RHOBTB2: variants seen among roughly 807,000 people sequenced by gnomAD.
RHOBTB2 encodes the protein Rho related BTB domain containing 2.
A neutral mutation model predicts 66.5 loss-of-function variants in RHOBTB2; 39 were observed. That is an observed-to-expected ratio of 0.59 (90% CI 0.45 to 0.77). The LOEUF (loss-of-function observed/expected upper bound fraction) is 0.77, where lower values mean the gene tolerates loss of function less well. Ranked by LOEUF, RHOBTB2 falls within the 30% of genes least tolerant of loss-of-function variation. The pLI, the probability that RHOBTB2 is intolerant of heterozygous loss-of-function variation, is 0.00. For missense variants in RHOBTB2, 755 were observed against 999.1 expected (o/e 0.76, Z 3.29); for synonymous variants, 390 against 395.0 (o/e 0.99, Z 0.15).
the RHOBTB2 span, among the ~76,000 whole-genome samples, chr8:22,951,973 G>A: frequency 2.0e-5 from 3 of 152,200 alleles, no homozygotes; most frequent in East Asian, 3.9e-4. Flanking sequence ...CGCCTGCCTC[G>A]GCCTCCCAAA....
chr8:23,012,136 C>T (rs1370793181), intron 7 of RHOBTB2, among the ~76,000 whole-genome samples: 3 of 152,124 alleles, frequency 2.0e-5, no homozygotes, highest in Non-Finnish European at 4.4e-5. Flanking sequence ...GTGATCTTCC[C>T]AGAGCACATA....
the RHOBTB2 span, among the ~76,000 whole-genome samples, chr8:22,962,683 A>G: frequency 6.6e-6 from 1 of 152,196 alleles, no homozygotes; most frequent in Non-Finnish European, 1.5e-5. Flanking sequence ...CATATAATAA[A>G]AGGATAGTTT....
chr8:23,012,501 G>A (rs951000037), intron 7 of RHOBTB2, among the ~76,000 whole-genome samples: 24 of 152,228 alleles, frequency 1.6e-4, no homozygotes, highest in Admixed American at 4.6e-4. Context: ...GATGGTTTAA[G>A]TTTTGTGACA....
the RHOBTB2 span, among the ~76,000 whole-genome samples, chr8:22,955,564 CTTTTTTTTTTT>C: frequency 9.6e-6 from 1 of 103,970 alleles, no homozygotes; most frequent in Admixed American, 1.1e-4. Flanking sequence ...TTCAATAAAT[CTTTTTTTTTTT>C]TTTTTTTTTT....
chr8:23,014,690 A>C lies in RHOBTB2; in HGVS notation c.1772A>C (p.Glu591Ala), dbSNP rs1811240406. The change falls in exon 8 of 10, where the codon GAG becomes GCG. Residue 591 changes from glutamate (E) to alanine (A), a missense_variant and splice_region_variant. By Grantham distance (107) the Glu-to-Ala change is moderately radical. This residue lies in a region of RHOBTB2 where 353 missense variants were observed against 458.2 expected (regional missense o/e 0.77). Coordinates refer to ENST00000251822, the MANE Select transcript of RHOBTB2 (RefSeq NM_015178.3). ...TGATTGGTGGCCGTGTGTGTTACAG[A>C]GCAGTACACAGTGACCGGGCTGATG... ...LCLPHLVALT[E>A]QYTVTGLMEA... The C allele has an allele frequency of 6.2e-7, 1 of 1,613,584 alleles. No homozygotes were observed. The highest frequency in any genetic ancestry group is 8.5e-7 in the Non-Finnish European group (1 of 1,179,674).
At chr8:23,008,204 G>A (rs1484096604) in intron 6 of RHOBTB2, 93 bp downstream of exon 6, 13 of 860,550 alleles carry the variant, frequency 1.5e-5, no homozygotes, top group Non-Finnish European at 1.9e-5. Context: ...TTTCTTCACT[G>A]ACTGTGTGCT....
the RHOBTB2 span, among the ~76,000 whole-genome samples, chr8:22,978,643 C>T: frequency 6.7e-6 from 1 of 149,844 alleles, no homozygotes; most frequent in Admixed American, 6.6e-5. Flanking sequence ...AGAATGTATT[C>T]CACGTAACAG....
chr8:22,968,381 C>T, the RHOBTB2 span, among the ~76,000 whole-genome samples: 21 of 151,684 alleles, frequency 1.4e-4, no homozygotes, highest in East Asian at 3.3e-3. Flanking sequence ...AAAAAAATAT[C>T]GAATAAATGG....
rs1811311824 is a variant in RHOBTB2 at position 23,017,040 on chromosome 8, C to T, written c.1967-212C>T. ...GATCGCCCGTCTTTGGAAAGGAACC[C>T]AGCTGGAAAGGCCTTCCCCAGTGCT... On this transcript the variant is annotated intron_variant, in intron 9 of 9. Transcript: ENST00000251822. The surrounding 1 kb of genome is among the most constrained non-coding windows in gnomAD (Gnocchi z 5.3). Among the ~76,000 whole-genome samples, 2 of 152,198 alleles carry T rather than the reference C, an allele frequency of 1.3e-5. No individual in the cohort carries two copies. The highest frequency in any genetic ancestry group is 4.8e-5 in the African/African-American group (2 of 41,440).
intron 7 of RHOBTB2, among the ~76,000 whole-genome samples, chr8:23,013,621 G>A (rs1222539220): frequency 6.6e-6 from 1 of 151,772 alleles, no homozygotes; most frequent in African/African-American, 2.4e-5. Flanking sequence ...TCAGTCGCCC[G>A]AGTAGCTGGG....
At chr8:22,994,824 GGC>G (rs1416441860), upstream of RHOBTB2, among the ~76,000 whole-genome samples, 1 of 152,230 alleles carries the variant, frequency 6.6e-6, no homozygotes, top group Non-Finnish European at 1.5e-5. Flanking sequence ...GGAGTGCAAT[GGC>G]GTGATCTCGG....
At position 23,017,669 on chromosome 8, in the gene RHOBTB2, G is replaced by T; in HGVS notation, c.*200G>T. The T allele has an allele frequency of 1.3e-6, 1 of 777,508 alleles. No homozygotes were observed. The highest frequency in any genetic ancestry group is 2.0e-6 in the Non-Finnish European group (1 of 500,614). 48.2% of individuals were successfully genotyped at this position (777,508 alleles called of 1,614,324 possible). A position where few individuals can be genotyped will look rare whatever the true frequency, so the allele number is the denominator to read the frequency against. On this transcript the variant is annotated 3_prime_UTR_variant, in exon 10 of 10. Transcript: ENST00000251822. The surrounding 1 kb of genome is among the most constrained non-coding windows in gnomAD (Gnocchi z 5.3). ...CTGTGGAGCAGAACGGGAACCACCT[G>T]CAGAGGTCCCCAGACCCAAAGCAGG...
the RHOBTB2 span, among the ~76,000 whole-genome samples, chr8:22,974,584 T>C: frequency 6.6e-6 from 1 of 152,186 alleles, no homozygotes; most frequent in Non-Finnish European, 1.5e-5. Context: ...CACTGCCACA[T>C]TGGTCAGGGA....
At chr8:22,993,215 G>A (rs745610766) in intron 2 of RHOBTB2, among the ~76,000 whole-genome samples, 3 of 152,154 alleles carry the variant, frequency 2.0e-5, no homozygotes, top group African/African-American at 4.8e-5. Flanking sequence ...GCTGCAGTAC[G>A]GTGGTACGAT....
At chr8:22,955,385 C>T in the RHOBTB2 span, among the ~76,000 whole-genome samples, 2 of 152,004 alleles carry the variant, frequency 1.3e-5, no homozygotes, top group African/African-American at 4.8e-5. Flanking sequence ...CAACTGTGGC[C>T]CCCGAGGTTT....
upstream of RHOBTB2, among the ~76,000 whole-genome samples, chr8:22,995,086 G>A (rs1810511489): frequency 6.6e-6 from 1 of 152,110 alleles, no homozygotes; most frequent in Non-Finnish European, 1.5e-5. Flanking sequence ...TTTCGAATAG[G>A]CATTATCTTT....
chr8:22,990,802 C>T (rs1419324368), intron 1 of RHOBTB2, among the ~76,000 whole-genome samples: 4 of 152,186 alleles, frequency 2.6e-5, no homozygotes, highest in Non-Finnish European at 5.9e-5. Context: ...GCCCCCGCAT[C>T]CCAGGCCATC....
rs1012647274 is a variant in RHOBTB2, at chr8:23,006,724, C to T, written c.483-4C>T. The T allele has an allele frequency of 6.2e-7, 1 of 1,606,666 alleles. No individual in the cohort carries two copies. Among genetic ancestry groups the T allele is most frequent in the Non-Finnish European group, 8.5e-7 (1 of 1,175,170 alleles). On this transcript the variant is annotated splice_polypyrimidine_tract_variant and splice_region_variant and intron_variant, in intron 4 of 9. Coordinates refer to ENST00000251822, the MANE Select transcript of RHOBTB2 (RefSeq NM_015178.3). The surrounding 1 kb of genome is among the most constrained non-coding windows in gnomAD (Gnocchi z 6.1). ...AAGCTTGGTTTCCTTCTTGAACCTA[C>T]CAGGCCCATCAAACCTAATGAAATC...
upstream of RHOBTB2, chr8:22,995,763 C>T (rs1585182328): frequency 2.3e-6 from 3 of 1,314,368 alleles, no homozygotes; most frequent in East Asian, 2.5e-5. Context: ...AGGGTAGGAA[C>T]ACCACGTGCC....
Sources: gnomAD v4.1 joint callset for allele counts (sites outside exome capture counted in the v4.1 genomes callset) on GRCh38, gnomAD v4.1.1 for gene constraint, gnomAD v4.1.1 regional missense constraint, Gnocchi (gnomAD v3.1) non-coding constraint, MANE v1.5 for transcripts, NCBI Gene and HGNC (gene_info 2026-07-23, HGNC 2026-07-21) for gene names.